SSBP2: variants seen among roughly 807,000 people sequenced by gnomAD.
SSBP2 encodes the protein single-stranded DNA-binding protein 2.
In SSBP2, 17 loss-of-function variants were observed where a neutral mutation model predicts 61.8. The ratio of observed to expected loss-of-function variants is 0.28; its 90% CI spans 0.19 to 0.41. SSBP2 has a LOEUF of 0.41. SSBP2 is among the 10% of genes least tolerant of loss of function. SSBP2 has a pLI of 1.00. For missense variants in SSBP2, 310 were observed against 458.7 expected, an observed-to-expected ratio of 0.68 and a Z score of 2.96; for synonymous variants, 139 against 141.3, an observed-to-expected ratio of 0.98 and a Z score of 0.12.
chr5:81,523,706 A>G (rs1769681195), intron 4 of SSBP2, among the ~76,000 whole-genome samples: 1 of 152,078 alleles, frequency 6.6e-6, no homozygotes, highest in Non-Finnish European at 1.5e-5. Context: ...AATTTTTACT[A>G]GAGCAATAAA....
chr5:81,637,181 A>G (rs1179631310), intron 2 of SSBP2, among the ~76,000 whole-genome samples: 2 of 152,204 alleles, frequency 1.3e-5, no homozygotes, highest in Non-Finnish European at 2.9e-5. Context: ...GCTGGGCAAT[A>G]TCTCTCTTCA....
At chr5:81,605,732 G>T (rs978345389) in intron 4 of SSBP2, among the ~76,000 whole-genome samples, 6 of 152,140 alleles carry the variant, frequency 3.9e-5, no homozygotes, top group African/African-American at 1.4e-4. Context: ...TTAGTAGTTT[G>T]AATGAAAAGC....
intron 5 of SSBP2, among the ~76,000 whole-genome samples, chr5:81,496,531 T>C (rs950727710): frequency 2.0e-5 from 3 of 152,124 alleles, no homozygotes; most frequent in African/African-American, 7.2e-5. Context: ...TTTAAGAAAA[T>C]ATAAACTTAC....
At chr5:81,673,017 T>C (rs188369054) in intron 1 of SSBP2, among the ~76,000 whole-genome samples, 208 of 152,158 alleles carry the variant, frequency 1.4e-3, no homozygotes, top group African/African-American at 4.7e-3. Flanking sequence ...TTTGTATTTT[T>C]AGTAGAGACG....
intron 4 of SSBP2, among the ~76,000 whole-genome samples, chr5:81,543,475 G>A (rs1169034011): frequency 8.5e-5 from 13 of 152,098 alleles, no homozygotes; most frequent in Non-Finnish European, 2.9e-5. Context: ...TCATAACGAT[G>A]CCAGCAATAG....
At chr5:81,634,037 T>C (rs996250336) in intron 3 of SSBP2, among the ~76,000 whole-genome samples, 2 of 152,200 alleles carry the variant, frequency 1.3e-5, no homozygotes, top group African/African-American at 4.8e-5. Context: ...ATGGACTTCC[T>C]CCTTGGCCAG....
chr5:81,734,111 A>G lies in SSBP2; in HGVS notation c.62+16870T>C, dbSNP rs577501959. Among the ~76,000 whole-genome samples the G allele has an allele frequency of 2.0e-5, 3 of 152,330 alleles. No individual in the cohort carries two copies. The East Asian group carries it at 5.8e-4, about 29-fold the overall frequency. ...CAAGACCCTTTGTTTTATTTGGGTTAAAGCTACTTAAGTGAATTGGTAGAT... is the reference window on the plus strand; with the variant it reads ...CAAGACCCTTTGTTTTATTTGGGTTGAAGCTACTTAAGTGAATTGGTAGAT... On this transcript the variant is annotated intron_variant, in intron 1 of 16. Coordinates refer to ENST00000320672, the MANE Select transcript of SSBP2 (RefSeq NM_012446.5).
chr5:81,626,369 C>G (rs1378701329), intron 3 of SSBP2, among the ~76,000 whole-genome samples: 2 of 152,194 alleles, frequency 1.3e-5, no homozygotes, highest in Admixed American at 6.5e-5. Flanking sequence ...ATTATCCCCA[C>G]TTTGTAGATG....
chr5:81,598,740 C>A (rs1400021958), intron 4 of SSBP2, among the ~76,000 whole-genome samples: 2 of 152,176 alleles, frequency 1.3e-5, no homozygotes, highest in Non-Finnish European at 2.9e-5. Context: ...CAAATCCTCT[C>A]TGATCCAGGC....
chr5:81,523,341 G>A (rs527305362), intron 4 of SSBP2, among the ~76,000 whole-genome samples: 29 of 152,128 alleles, frequency 1.9e-4, no homozygotes, highest in Admixed American at 8.5e-4. Flanking sequence ...TGCAGAAACT[G>A]AGCTTCTTGC....
chr5:81,593,247 G>A (rs1206067035), intron 4 of SSBP2, among the ~76,000 whole-genome samples: 1 of 152,146 alleles, frequency 6.6e-6, no homozygotes, highest in Non-Finnish European at 1.5e-5. Context: ...ATCAGTGATG[G>A]AAGACAAAAT....
chr5:81,630,145 G>A (rs1747565621), intron 3 of SSBP2, among the ~76,000 whole-genome samples: 1 of 152,200 alleles, frequency 6.6e-6, no homozygotes, highest in African/African-American at 2.4e-5. Flanking sequence ...AAATGAGCAA[G>A]CAGTAAGTTC....
intron 9 of SSBP2, among the ~76,000 whole-genome samples, chr5:81,463,758 C>CTTTCTTTTTT (rs1764700283): frequency 1.0e-5 from 1 of 96,312 alleles, no homozygotes; most frequent in Non-Finnish European, 2.0e-5. Flanking sequence ...GAAAAATCCT[C>CTTTCTTTTTT]TTTTTTTTTT....
At chr5:81,616,866 C>T (rs530623211) in intron 3 of SSBP2, among the ~76,000 whole-genome samples, 2 of 152,240 alleles carry the variant, frequency 1.3e-5, no homozygotes, top group Non-Finnish European at 2.9e-5. Flanking sequence ...CAGCCGGGTA[C>T]TCCAACAGAC....
At chr5:81,543,528 G>T (rs142785680) in intron 4 of SSBP2, among the ~76,000 whole-genome samples, 1 of 152,124 alleles carries the variant, frequency 6.6e-6, no homozygotes, top group East Asian at 1.9e-4. Context: ...AGGGAACAAG[G>T]GTTGAAAAAC....
intron 1 of SSBP2, among the ~76,000 whole-genome samples, chr5:81,672,181 GCTTA>G (rs1398864016): frequency 6.6e-6 from 1 of 152,046 alleles, no homozygotes; most frequent in East Asian, 1.9e-4. Flanking sequence ...ATTAGTAGCA[GCTTA>G]CTAAGAATTT....
At chr5:81,438,203 T>C (rs764155696) in intron 14 of SSBP2, among the ~76,000 whole-genome samples, 1 of 151,810 alleles carries the variant, frequency 6.6e-6, no homozygotes, top group Non-Finnish European at 1.5e-5. Flanking sequence ...ATACAAAAAT[T>C]AGCCGGGCAT....
At chr5:81,578,032 T>G (rs7709916) in intron 4 of SSBP2, among the ~76,000 whole-genome samples, 52,325 of 151,834 alleles carry the variant, frequency 0.34, 9,353 homozygotes, top group African/African-American at 0.45. Context: ...ATTAAGTGAC[T>G]TGCCCAAGAT....
intron 1 of SSBP2, among the ~76,000 whole-genome samples, chr5:81,725,888 T>C (rs1053880864): frequency 6.6e-6 from 1 of 152,104 alleles, no homozygotes; most frequent in African/African-American, 2.4e-5. Flanking sequence ...GATGGACACA[T>C]GGTGGGTTGA....
Sources: allele counts gnomAD v4.1 joint callset (sites outside exome capture counted in the v4.1 genomes callset), GRCh38; gene constraint gnomAD v4.1.1; transcripts MANE v1.5; gene names NCBI Gene and HGNC (gene_info 2026-07-23, HGNC 2026-07-21).